Variants in ATP11B observed in about 807,000 individuals in gnomAD.
ATP11B encodes ATPase phospholipid transporting 11B (putative), also known as phospholipid-transporting ATPase IF.
ATP11B carries 81 observed loss-of-function variants against 157.8 expected under a neutral mutation model. That is an observed-to-expected ratio of 0.51 (90% CI 0.43 to 0.62). The LOEUF is 0.62. ATP11B is among the 20% of genes least tolerant of loss of function. The pLI, the probability that ATP11B is intolerant of heterozygous loss-of-function variation, is 0.00. For missense variants in ATP11B, 1,165 were observed against 1,402.2 expected (o/e 0.83, Z 2.70); for synonymous variants, 451 against 469.4 (o/e 0.96, Z 0.51).
At chr3:182,885,854 T>C (rs1436995854) in intron 22 of ATP11B, 97 bp from the exon 23 acceptor site, 1 of 724,116 alleles carries the variant, frequency 1.4e-6, no homozygotes, top group Non-Finnish European at 2.2e-6. Context: ...CCAACTGAGA[T>C]TGTTTTTGGA....
intron 1 of ATP11B, among the ~76,000 whole-genome samples, chr3:182,794,416 T>G (rs1715468269): frequency 6.6e-6 from 1 of 152,186 alleles, no homozygotes; most frequent in South Asian, 2.1e-4. Flanking sequence ...ACGATACGTA[T>G]TGTACGATAG....
intron 2 of ATP11B, among the ~76,000 whole-genome samples, chr3:182,823,030 G>A (rs1474607382): frequency 3.3e-5 from 5 of 152,172 alleles, no homozygotes; most frequent in Non-Finnish European, 5.9e-5. Context: ...TGTCAGATGG[G>A]TAGATTGTAA....
intron 26 of ATP11B, 53 bp from the exon 27 acceptor site, chr3:182,897,250 A>T: frequency 1.0e-6 from 1 of 1,000,124 alleles, no homozygotes; most frequent in Non-Finnish European, 1.5e-6. Context: ...CTGAAAGGTT[A>T]AGGTAAAGCT....
intron 15 of ATP11B, among the ~76,000 whole-genome samples, chr3:182,868,264 ATACT>A (rs1208218315): frequency 5.3e-5 from 8 of 151,108 alleles, no homozygotes; most frequent in African/African-American, 1.9e-4. Context: ...CATGCTTAAT[ATACT>A]TACTCCTTTC....
Position 182,828,159 on chromosome 3 carries a change from C to A in ATP11B, c.184C>A (p.Gln62Lys). ...WNFVPKNLFEQFRRVANFYFL... is the reference protein window; with the variant it reads ...WNFVPKNLFEKFRRVANFYFL... ...TTTTGTTCCAAAAAATTTATTTGAACAGTTCAGAAGAGTGGCAAACTTTTA... is the reference window on the plus strand; with the variant it reads ...TTTTGTTCCAAAAAATTTATTTGAAAAGTTCAGAAGAGTGGCAAACTTTTA... Residue 62 changes from glutamine to lysine, a missense_variant, in exon 3 of 30, where the codon CAG (glutamine) becomes AAG (lysine). Transcript: ENST00000323116. The A allele has an allele frequency of 6.7e-7, 1 of 1,489,526 alleles. No individual in the cohort carries two copies. Among genetic ancestry groups the A allele is most frequent in the South Asian group, 1.4e-5 (1 of 69,916 alleles). 92.3% of individuals were successfully genotyped at this position (1,489,526 alleles called of 1,614,324 possible). A position where few individuals can be genotyped will look rare whatever the true frequency, so the allele number is the denominator to read the frequency against.
rs1197868272 is a variant in ATP11B at position 182,884,741 on chromosome 3, C to T, written c.2510-12C>T. ...TTATCAGTGAACATGTCTTTTGTCC[C>T]TTTTATTATAGGAATCATGGGTAAA... is the stretch of plus-strand genomic sequence containing the variant. On this transcript the variant is annotated splice_polypyrimidine_tract_variant and intron_variant, in intron 21 of 29. Transcript: ENST00000323116. 2.5e-6 allele frequency: 4 copies of T among 1,583,142 alleles called. No homozygotes were observed. The highest frequency in any genetic ancestry group is 3.4e-6 in the Non-Finnish European group (4 of 1,171,688).
At chr3:182,847,050 CTTT>C (rs201462644) in intron 9 of ATP11B, among the ~76,000 whole-genome samples, 12 of 132,646 alleles carry the variant, frequency 9.0e-5, no homozygotes, top group East Asian at 2.1e-4. Flanking sequence ...TACTTTAAAA[CTTT>C]TTTTTTTTTT....
intron 6 of ATP11B, chr3:182,836,759 T>A: frequency 2.0e-6 from 1 of 489,522 alleles, no homozygotes; most frequent in East Asian, 3.2e-5. Flanking sequence ...AATTTATATT[T>A]TCTCAGTTTT....
At chr3:182,828,587 AAACTT>A (rs1717887517) in intron 3 of ATP11B, among the ~76,000 whole-genome samples, 2 of 151,926 alleles carry the variant, frequency 1.3e-5, no homozygotes, top group South Asian at 4.1e-4. Context: ...TGTACAAAGT[AAACTT>A]TTCTTTGGCT....
intron 28 of ATP11B, among the ~76,000 whole-genome samples, chr3:182,906,122 C>A (rs770745260): frequency 6.6e-6 from 1 of 152,198 alleles, no homozygotes; most frequent in African/African-American, 2.4e-5. Context: ...TTGTCAATCT[C>A]TCTTTAGAGT....
chr3:182,872,410 G>A lies in ATP11B; in HGVS notation c.1921G>A (p.Glu641Lys), dbSNP rs1395563467. ...AYRKFTSKEYEEIDKRIFEAR... is the reference protein window; with the variant it reads ...AYRKFTSKEYKEIDKRIFEAR... ...TAGAAAATTTACATCAAAAGAGTAT[G>A]AGGAAATAGATAAACGCATATTTGA... The change falls in exon 18 of 30, where the codon GAG (glutamate) becomes AAG (lysine). Residue 641 changes from glutamate to lysine, a missense_variant. This residue lies in a region of ATP11B where 737 missense variants were observed against 930.5 expected (regional missense o/e 0.79). Coordinates refer to ENST00000323116, the MANE Select transcript of ATP11B (RefSeq NM_014616.3). 5.0e-6 allele frequency: 8 copies of A among 1,613,902 alleles called. No homozygotes were observed. Among genetic ancestry groups the A allele is most frequent in the Non-Finnish European group, 6.8e-6 (8 of 1,179,834 alleles).
chr3:182,913,528 G>T (rs1217069569), intron 28 of ATP11B, among the ~76,000 whole-genome samples: 1 of 152,140 alleles, frequency 6.6e-6, no homozygotes, highest in African/African-American at 2.4e-5. Context: ...TGCAGAATTG[G>T]AATTCATTAC....
chr3:182,882,020 C>T (rs1207536074), intron 21 of ATP11B, among the ~76,000 whole-genome samples: 3 of 152,106 alleles, frequency 2.0e-5, no homozygotes, highest in Non-Finnish European at 2.9e-5. Context: ...TTAATCCTTT[C>T]CTTTTTAGCC....
intron 1 of ATP11B, among the ~76,000 whole-genome samples, chr3:182,812,757 A>G (rs1469683884): frequency 6.6e-6 from 1 of 152,200 alleles, no homozygotes; most frequent in Non-Finnish European, 1.5e-5. Context: ...AACCATTTTT[A>G]AGTGTACAGT....
At chr3:182,843,806 G>A (rs1252257853) in intron 8 of ATP11B, 1 of 152,138 alleles carries the variant, frequency 6.6e-6, no homozygotes, top group Non-Finnish European at 1.5e-5. Flanking sequence ...ATAACAGAAA[G>A]AGTTGAGCAT....
intron 1 of ATP11B, among the ~76,000 whole-genome samples, chr3:182,797,374 C>A (rs756554468): frequency 2.0e-5 from 3 of 152,122 alleles, no homozygotes. Flanking sequence ...GTTATTCTTA[C>A]GTATAAAATA....
At chr3:182,795,034 CAAAA>C (rs10582019) in intron 1 of ATP11B, among the ~76,000 whole-genome samples, 1 of 139,068 alleles carries the variant, frequency 7.2e-6, no homozygotes, top group Non-Finnish European at 1.6e-5. Flanking sequence ...GCATCATTCT[CAAAA>C]AAAAAAAAAA....
intron 12 of ATP11B, among the ~76,000 whole-genome samples, chr3:182,863,157 G>A (rs1252975566): frequency 1.3e-5 from 2 of 152,052 alleles, no homozygotes; most frequent in Admixed American, 1.3e-4. Context: ...ACCCGCCTCG[G>A]CCTCCCAAAG....
chr3:182,800,390 TAAA>T (rs71183647), intron 1 of ATP11B, among the ~76,000 whole-genome samples: 2 of 146,810 alleles, frequency 1.4e-5, no homozygotes, highest in Non-Finnish European at 3.0e-5. Flanking sequence ...CCCAGCTAAT[TAAA>T]AAAAAAAAAA....
Sources: allele counts gnomAD v4.1 joint callset (sites outside exome capture counted in the v4.1 genomes callset), GRCh38; gene constraint gnomAD v4.1.1; regional missense constraint gnomAD v4.1.1; transcripts MANE v1.5; gene names NCBI Gene and HGNC (gene_info 2026-07-23, HGNC 2026-07-21).